KANK1: variants seen among roughly 807,000 people sequenced by gnomAD.
KANK1 encodes KN motif and ankyrin repeat domains 1, also known as KN motif and ankyrin repeat domain-containing protein 1.
KANK1 carries 109 observed loss-of-function variants against 106.2 expected under a neutral mutation model. The ratio of observed to expected loss-of-function variants is 1.03; its 90% CI spans 0.88 to 1.20. KANK1 has a LOEUF of 1.20. Among genes scored for constraint, KANK1 ranks in the 50% most tolerant of loss-of-function variants. The pLI is 0.00. For missense variants in KANK1, 2,399 were observed against 1,710.7 expected (o/e 1.40, Z -7.10); for synonymous variants, 873 against 652.2 (o/e 1.34, Z -5.16).
chr9:510,428 C>A (rs1464000874), intron 1 of KANK1, among the ~76,000 whole-genome samples: 3 of 152,170 alleles, frequency 2.0e-5, no homozygotes, highest in Non-Finnish European at 4.4e-5. Flanking sequence ...AAGGAGTGTT[C>A]ATTCTACAAA....
chr9:476,365 A>G (rs1156278029), intron 3 of KANK1, among the ~76,000 whole-genome samples: 1 of 152,062 alleles, frequency 6.6e-6, no homozygotes, highest in Non-Finnish European at 1.5e-5. Context: ...TACTAAAAAT[A>G]CAAACATTAG....
chr9:520,701 C>G (rs368932723), intron 1 of KANK1, among the ~76,000 whole-genome samples: 1 of 151,746 alleles, frequency 6.6e-6, no homozygotes, highest in East Asian at 1.9e-4. Context: ...GATTATGCCT[C>G]AGAAATCTGC....
chr9:671,933 G>A (rs1815248879), intron 1 of KANK1, among the ~76,000 whole-genome samples: 1 of 152,112 alleles, frequency 6.6e-6, no homozygotes, highest in African/African-American at 2.4e-5. Context: ...GGGCTACAGA[G>A]CAAGACTCCG....
intron 1 of KANK1, among the ~76,000 whole-genome samples, chr9:589,131 G>C (rs1042295685): frequency 3.3e-5 from 5 of 152,166 alleles, no homozygotes; most frequent in African/African-American, 1.2e-4. Context: ...ATGTTAAAGT[G>C]CTTTATATTA....
chr9:585,708 C>A (rs1042362575), intron 1 of KANK1, among the ~76,000 whole-genome samples: 14 of 152,028 alleles, frequency 9.2e-5, no homozygotes, highest in African/African-American at 3.4e-4. Flanking sequence ...TTTGCGAGGT[C>A]GGCATTGCTG....
chr9:584,275 T>C (rs1455963973), intron 1 of KANK1, among the ~76,000 whole-genome samples: 1 of 152,234 alleles, frequency 6.6e-6, no homozygotes, highest in Non-Finnish European at 1.5e-5. Context: ...GATTTACTTT[T>C]AGTGAAACTT....
intron 3 of KANK1, among the ~76,000 whole-genome samples, chr9:722,351 C>G (rs1829560596): frequency 6.6e-6 from 1 of 152,110 alleles, no homozygotes; most frequent in African/African-American, 2.4e-5. Flanking sequence ...CTGTCTGCCT[C>G]TCTTGCTCTC....
chr9:743,607 G>A (rs1293336392), intron 10 of KANK1, among the ~76,000 whole-genome samples: 5 of 152,188 alleles, frequency 3.3e-5, no homozygotes, highest in Admixed American at 6.5e-5. Context: ...GGTCACTCCT[G>A]TAATTCCAGC....
intron 1 of KANK1, among the ~76,000 whole-genome samples, chr9:664,909 A>G (rs1450590544): frequency 6.6e-6 from 1 of 152,006 alleles, no homozygotes; most frequent in Non-Finnish European, 1.5e-5. Context: ...TTTGATTTGC[A>G]TTTTCTGGAT....
chr9:661,962 T>A (rs1321949006), intron 1 of KANK1, among the ~76,000 whole-genome samples: 1 of 152,208 alleles, frequency 6.6e-6, no homozygotes, highest in Non-Finnish European at 1.5e-5. Context: ...GCCCACTTTT[T>A]GATGGGGTTG....
chr9:660,182 A>G (rs865927378), intron 1 of KANK1: 4 of 306,318 alleles, frequency 1.3e-5, no homozygotes, highest in African/African-American at 6.7e-5. Flanking sequence ...ATTTAAAAAG[A>G]AATTTGCCTG....
intron 3 of KANK1, among the ~76,000 whole-genome samples, chr9:497,923 G>C (rs2058483951): frequency 6.6e-6 from 1 of 152,098 alleles, no homozygotes; most frequent in Non-Finnish European, 1.5e-5. Context: ...GACCACCCCA[G>C]TTCCATCCGT....
At chr9:474,606 A>AT (rs1196238546) in intron 3 of KANK1, among the ~76,000 whole-genome samples, 1 of 152,128 alleles carries the variant, frequency 6.6e-6, no homozygotes, top group Non-Finnish European at 1.5e-5. Flanking sequence ...CTAAAAAAGT[A>AT]TATGTGTGTA....
chr9:718,533 C>G (rs1439005884), intron 3 of KANK1, among the ~76,000 whole-genome samples: 2 of 151,944 alleles, frequency 1.3e-5, no homozygotes, highest in Non-Finnish European at 2.9e-5. Flanking sequence ...TGGTCTTGAA[C>G]TTTTGGGCTC....
At chr9:742,505 A>G (rs1835911670) in intron 10 of KANK1, 100 bp downstream of exon 10, 16 of 846,570 alleles carry the variant, frequency 1.9e-5, no homozygotes, top group Middle Eastern at 3.6e-4. Flanking sequence ...ATCCTCCTCT[A>G]TTCTCCTCTG....
At chr9:608,031 A>ATTTTTTTTTTTTTTT (rs1175822024) in intron 1 of KANK1, among the ~76,000 whole-genome samples, 2 of 88,100 alleles carry the variant, frequency 2.3e-5, no homozygotes, top group East Asian at 2.3e-4. Context: ...TATTATTATT[A>ATTTTTTTTTTTTTTT]TTATTTTTTT....
chr9:560,019 A>G (rs941582486), intron 1 of KANK1, among the ~76,000 whole-genome samples: 2 of 152,142 alleles, frequency 1.3e-5, no homozygotes, highest in South Asian at 4.1e-4. Flanking sequence ...CATGTTTTCT[A>G]TTGTAGACCC....
At chr9:662,545 T>TTGTCAAACC (rs1554671923) in intron 1 of KANK1, among the ~76,000 whole-genome samples, 1 of 151,688 alleles carries the variant, frequency 6.6e-6, no homozygotes, top group African/African-American at 2.4e-5. Flanking sequence ...CATCTGATCT[T>TTGTCAAACC]TGACAAACAC....
In KANK1 at chr9:732,492, TGAA is replaced by T; in HGVS notation, c.3123_3125del (p.Glu1041del). 1 of 1,613,980 alleles carries T rather than the reference TGAA, an allele frequency of 6.2e-7. No homozygotes were observed. The highest frequency in any genetic ancestry group is 8.5e-7 in the Non-Finnish European group (1 of 1,179,996). ...TTGAAGAAGAGGAGGAGGAGGAGGA[TGAA>T]GACACTCGGGGAATGGCAGAAGGGC... On this transcript the variant is annotated inframe_deletion, in exon 6 of 12. Coordinates refer to ENST00000382297, the MANE Select transcript of KANK1 (RefSeq NM_015158.5).
Sources: gnomAD v4.1 joint callset for allele counts (sites outside exome capture counted in the v4.1 genomes callset) on GRCh38, gnomAD v4.1.1 for gene constraint, MANE v1.5 for transcripts, NCBI Gene and HGNC (gene_info 2026-07-23, HGNC 2026-07-21) for gene names.